Variants in DPP10 observed in about 807,000 individuals in gnomAD.
DPP10 encodes dipeptidyl peptidase like 10.
A neutral mutation model predicts 120.9 loss-of-function variants in DPP10; 33 were observed. The ratio of observed to expected loss-of-function variants is 0.27; its 90% CI spans 0.21 to 0.37. The LOEUF (loss-of-function observed/expected upper bound fraction) is 0.37, where lower values mean the gene tolerates loss of function less well. Ranked by LOEUF, DPP10 falls within the 10% of genes least tolerant of loss-of-function variation. The pLI is 1.00. For missense variants in DPP10, 816 were observed against 942.8 expected, an observed-to-expected ratio of 0.87 and a Z score of 1.76; for synonymous variants, 337 against 326.1, an observed-to-expected ratio of 1.03 and a Z score of -0.36.
At chr2:115,477,304 AAG>A (rs1256530601) in intron 3 of DPP10, among the ~76,000 whole-genome samples, 3 of 152,200 alleles carry the variant, frequency 2.0e-5, no homozygotes, top group Non-Finnish European at 2.9e-5. Context: ...TAAAAACAAT[AAG>A]CAAAGTGACA....
intron 1 of DPP10, among the ~76,000 whole-genome samples, chr2:114,852,587 A>G (rs908769139): frequency 6.6e-6 from 1 of 152,148 alleles, no homozygotes; most frequent in African/African-American, 2.4e-5. Context: ...ACCATTTCAT[A>G]TCAGAGACTT....
chr2:115,043,663 C>T (rs2105311632), intron 1 of DPP10, among the ~76,000 whole-genome samples: 1 of 152,236 alleles, frequency 6.6e-6, no homozygotes, highest in South Asian at 2.1e-4. Context: ...TACATCAGTA[C>T]TCACTAGCAA....
intron 1 of DPP10, among the ~76,000 whole-genome samples, chr2:114,632,617 A>G (rs1695018208): frequency 7.1e-6 from 1 of 139,966 alleles, no homozygotes. Flanking sequence ...GGTTCATGCC[A>G]TTCTCCTGCC....
intron 1 of DPP10, among the ~76,000 whole-genome samples, chr2:114,649,436 C>T (rs1475654660): frequency 6.6e-6 from 1 of 151,740 alleles, no homozygotes; most frequent in Non-Finnish European, 1.5e-5. Flanking sequence ...GCAACCTCCG[C>T]CTCCCGGGTT....
intron 2 of DPP10, among the ~76,000 whole-genome samples, chr2:115,321,295 C>T (rs1421850599): frequency 6.6e-6 from 1 of 152,056 alleles, no homozygotes; most frequent in Non-Finnish European, 1.5e-5. Context: ...GAGTGAAACC[C>T]CATCTCAAAA....
At chr2:114,908,144 T>C (rs561415446) in intron 1 of DPP10, among the ~76,000 whole-genome samples, 1 of 152,160 alleles carries the variant, frequency 6.6e-6, no homozygotes, top group South Asian at 2.1e-4. Flanking sequence ...TCAGGGTTGC[T>C]ATTTGTATTG....
At chr2:115,660,149 A>C (rs551267870) in intron 5 of DPP10, among the ~76,000 whole-genome samples, 1 of 152,336 alleles carries the variant, frequency 6.6e-6, no homozygotes, top group Admixed American at 6.5e-5. Flanking sequence ...TATTTAGTTA[A>C]AATCCCTTCC....
At chr2:114,743,588 G>A (rs1450469953) in intron 1 of DPP10, among the ~76,000 whole-genome samples, 1 of 152,146 alleles carries the variant, frequency 6.6e-6, no homozygotes, top group Non-Finnish European at 1.5e-5. Context: ...TGTATCAAGA[G>A]CTCAGCATCC....
intron 21 of DPP10, among the ~76,000 whole-genome samples, chr2:115,829,213 A>G (rs908155205): frequency 5.3e-5 from 8 of 152,176 alleles, no homozygotes; most frequent in African/African-American, 1.9e-4. Context: ...AGAGAGATGC[A>G]TAGCACTTGT....
At chr2:115,025,516 C>T (rs1703396073) in intron 1 of DPP10, among the ~76,000 whole-genome samples, 1 of 151,882 alleles carries the variant, frequency 6.6e-6, no homozygotes, top group Non-Finnish European at 1.5e-5. Flanking sequence ...AAATATATAC[C>T]TACTAGTGGA....
chr2:115,390,666 A>G (rs896937274), intron 3 of DPP10, among the ~76,000 whole-genome samples: 5 of 152,158 alleles, frequency 3.3e-5, no homozygotes, highest in African/African-American at 1.2e-4. Context: ...CTCTGTTTAC[A>G]TTTAGTTAAT....
intron 1 of DPP10, among the ~76,000 whole-genome samples, chr2:114,739,999 A>G (rs1044420870): frequency 6.6e-6 from 1 of 152,086 alleles, no homozygotes; most frequent in Non-Finnish European, 1.5e-5. Flanking sequence ...CAGCCATCCC[A>G]TTACTAGGTA....
intron 1 of DPP10, among the ~76,000 whole-genome samples, chr2:114,512,841 GT>G (rs1326473349): frequency 5.9e-5 from 9 of 152,184 alleles, no homozygotes; most frequent in Admixed American, 4.6e-4. Flanking sequence ...GGGACTGCTT[GT>G]TGTCACGTTC....
At position 114,461,438 on chromosome 2, in the gene DPP10, T is replaced by A. The variant is rs566784788; in HGVS notation, c.60+18600T>A. 1.9e-3 allele frequency: 574 copies of A among 307,596 alleles called. 4 individuals carry two copies. The highest frequency in any genetic ancestry group is 0.012 in the African/African-American group (547 of 44,424). The allele number at this position is 307,596 out of a possible 1,614,324, so 19.1% of individuals were successfully genotyped here. The stretch of plus-strand genomic sequence containing the variant: ...TCACCAGGAGAGAACAATTTTGTTT[T>A]CCATGGTTGCGGTCTTTCAAGGTTG... On this transcript the variant is annotated intron_variant, in intron 1 of 25. Transcript: ENST00000410059.
At chr2:115,719,915 A>G (rs1213936713) in intron 7 of DPP10, among the ~76,000 whole-genome samples, 1 of 152,164 alleles carries the variant, frequency 6.6e-6, no homozygotes, top group Non-Finnish European at 1.5e-5. Context: ...GTAACTATTT[A>G]CCCACAAAGA....
At chr2:114,825,145 C>CT (rs145612623) in intron 1 of DPP10, among the ~76,000 whole-genome samples, 1 of 152,332 alleles carries the variant, frequency 6.6e-6, no homozygotes, top group East Asian at 1.9e-4. Flanking sequence ...GTAACCTCAT[C>CT]TGTCAGTGTA....
chr2:115,594,162 G>T (rs1028675591), intron 5 of DPP10, among the ~76,000 whole-genome samples: 3 of 152,000 alleles, frequency 2.0e-5, no homozygotes, highest in African/African-American at 7.2e-5. Context: ...AAGCATTCTG[G>T]TCATATCTAA....
intron 1 of DPP10, among the ~76,000 whole-genome samples, chr2:115,015,260 A>C (rs1417976766): frequency 6.6e-6 from 1 of 152,220 alleles, no homozygotes; most frequent in Non-Finnish European, 1.5e-5. Flanking sequence ...CCACATGATT[A>C]TTTCAATAGA....
intron 3 of DPP10, among the ~76,000 whole-genome samples, chr2:115,482,075 G>A (rs929512843): frequency 6.6e-6 from 1 of 151,720 alleles, no homozygotes; most frequent in African/African-American, 2.4e-5. Context: ...CAGTAGTTTC[G>A]GTTTTACAGC....
Sources: allele counts gnomAD v4.1 joint callset (sites outside exome capture counted in the v4.1 genomes callset), GRCh38; gene constraint gnomAD v4.1.1; transcripts MANE v1.5; gene names NCBI Gene and HGNC (gene_info 2026-07-23, HGNC 2026-07-21).